Variants in ADGRL3 observed in about 807,000 individuals in gnomAD.
ADGRL3 encodes adhesion G protein-coupled receptor L3, also known as calcium-independent alpha-latrotoxin receptor 3.
Under a neutral mutation model 153.5 loss-of-function variants are expected in ADGRL3, and 62 were observed. That is an observed-to-expected ratio of 0.40 (90% confidence interval 0.33 to 0.50). ADGRL3 has a LOEUF of 0.50. Ranked by LOEUF, ADGRL3 falls within the 20% of genes least tolerant of loss-of-function variation. ADGRL3 has a pLI of 0.47. For synonymous variants in ADGRL3, 710 were observed against 672.5 expected, an observed-to-expected ratio of 1.06 and a Z score of -0.86; for missense variants, 1,641 against 1,859.4, an observed-to-expected ratio of 0.88 and a Z score of 2.16.
intron 1 of ADGRL3, among the ~76,000 whole-genome samples, chr4:61,327,204 T>A (rs2095482652): frequency 6.6e-6 from 1 of 151,980 alleles, no homozygotes; most frequent in African/African-American, 2.4e-5. Flanking sequence ...AATATAATGC[T>A]GTATGTTAAA....
At chr4:61,873,889 A>G (rs2098459450) in intron 9 of ADGRL3, among the ~76,000 whole-genome samples, 2 of 152,082 alleles carry the variant, frequency 1.3e-5, no homozygotes, top group Admixed American at 1.3e-4. Flanking sequence ...CAATGCAAAG[A>G]ACAACTCTTT....
At chr4:62,051,622 T>C (rs908874331) in intron 25 of ADGRL3, among the ~76,000 whole-genome samples, 5 of 151,894 alleles carry the variant, frequency 3.3e-5, no homozygotes, top group Non-Finnish European at 5.9e-5. Flanking sequence ...AACTAAACAA[T>C]AATAAACAGT....
chr4:61,602,302 T>A (rs1246097835), intron 5 of ADGRL3, among the ~76,000 whole-genome samples: 1 of 152,118 alleles, frequency 6.6e-6, no homozygotes, highest in East Asian at 1.9e-4. Context: ...CAGCTTGACA[T>A]CATATCCCTA....
intron 6 of ADGRL3, among the ~76,000 whole-genome samples, chr4:61,685,805 A>G (rs941072852): frequency 6.6e-6 from 1 of 152,118 alleles, no homozygotes; most frequent in African/African-American, 2.4e-5. Context: ...GAATTGAATA[A>G]ACTGACCTTC....
At chr4:61,426,787 C>G (rs548841000) in intron 2 of ADGRL3, 7 of 152,302 alleles carry the variant, frequency 4.6e-5, no homozygotes, top group African/African-American at 1.7e-4. Flanking sequence ...CATCCTGCCC[C>G]GTCTTGGGCA....
chr4:61,426,992 T>A (rs1480248777), intron 2 of ADGRL3: 1 of 152,198 alleles, frequency 6.6e-6, no homozygotes, highest in Non-Finnish European at 1.5e-5. Context: ...CCCTTTTTTA[T>A]GGCACAAAGT....
intron 8 of ADGRL3, among the ~76,000 whole-genome samples, chr4:61,748,207 G>C (rs1357409981): frequency 6.6e-6 from 1 of 152,106 alleles, no homozygotes; most frequent in East Asian, 1.9e-4. Flanking sequence ...TGAAATAAAA[G>C]AGAATACAAT....
chr4:61,797,702 C>T (rs2097431295), intron 8 of ADGRL3, among the ~76,000 whole-genome samples: 1 of 148,912 alleles, frequency 6.7e-6, no homozygotes, highest in South Asian at 2.2e-4. Flanking sequence ...CAAATAGTCA[C>T]ACTACTAGAG....
Position 61,815,298 on chromosome 4 carries a change from T to C in ADGRL3, c.1480+1409T>C, listed in dbSNP as rs532113430. Among the ~76,000 whole-genome samples, 13 of 152,336 alleles carry C rather than the reference T, an allele frequency of 8.5e-5. No individual in the cohort carries two copies. The East Asian group carries it at 2.1e-3, about 25-fold the overall frequency. ...ATACCAAGGAGTTTGTGTTTTATCC[T>C]GGATAAAAACATGAAATATTTTAAA... On this transcript the variant is annotated intron_variant, in intron 9 of 26. Transcript: ENST00000683033.
rs35146786 is a variant in ADGRL3, at chr4:61,562,944, C to CA, written c.260-24263dup. Among the ~76,000 whole-genome samples the CA allele has an allele frequency of 3.3e-3, 346 of 105,824 alleles. 3 individuals carry two copies. The highest frequency in any genetic ancestry group is 0.026 in the East Asian group (93 of 3,518). 69.4% of individuals were successfully genotyped at this position (105,824 alleles called of 152,430 possible). ...TGGATGACAGAGCAAGACCCTGTCT[C>CA]AAAAAAAAAAAAAAAAAAAAGGTGA... On this transcript the variant is annotated intron_variant, in intron 4 of 26. Coordinates refer to ENST00000683033, the MANE Select transcript of ADGRL3 (RefSeq NM_001387552.1).
At chr4:61,885,738 C>G (rs1017366754) in intron 9 of ADGRL3, among the ~76,000 whole-genome samples, 1 of 152,064 alleles carries the variant, frequency 6.6e-6, no homozygotes, top group Non-Finnish European at 1.5e-5. Flanking sequence ...TTTAATAGAC[C>G]TGGATTAGAA....
chr4:61,561,769 A>C (rs183221994), intron 4 of ADGRL3, among the ~76,000 whole-genome samples: 1 of 152,200 alleles, frequency 6.6e-6, no homozygotes, highest in Non-Finnish European at 1.5e-5. Context: ...GAATTATTAT[A>C]TCAATTCTCA....
At chr4:61,869,981 AGAGAGAGAGGG>A (rs2098433015) in intron 9 of ADGRL3, among the ~76,000 whole-genome samples, 1 of 107,288 alleles carries the variant, frequency 9.3e-6, no homozygotes, top group African/African-American at 3.2e-5. Flanking sequence ...AGAGAAAGAG[AGAGAGAGAGGG>A]AGAGAGAGAG....
intron 6 of ADGRL3, among the ~76,000 whole-genome samples, chr4:61,700,779 A>G (rs2095743392): frequency 6.6e-6 from 1 of 152,226 alleles, no homozygotes; most frequent in African/African-American, 2.4e-5. Context: ...AGTCTTAAAC[A>G]TATTAAGATT....
intron 10 of ADGRL3, among the ~76,000 whole-genome samples, chr4:61,894,369 A>G (rs966723599): frequency 1.3e-5 from 2 of 152,186 alleles, no homozygotes; most frequent in Admixed American, 1.3e-4. Context: ...TAAAAAATAC[A>G]CTTTTTTCCA....
intron 1 of ADGRL3, among the ~76,000 whole-genome samples, chr4:61,318,220 AACACAC>A (rs140779579): frequency 2.1e-5 from 3 of 145,706 alleles, no homozygotes; most frequent in African/African-American, 7.8e-5. Flanking sequence ...AAAAACACAA[AACACAC>A]ACACACACAC....
intron 5 of ADGRL3, among the ~76,000 whole-genome samples, chr4:61,667,329 T>C (rs1237933207): frequency 6.6e-6 from 1 of 152,160 alleles, no homozygotes; most frequent in Non-Finnish European, 1.5e-5. Context: ...TTTATAAATA[T>C]ACATTTATAG....
intron 2 of ADGRL3, among the ~76,000 whole-genome samples, chr4:61,471,342 A>AT (rs1458072174): frequency 6.6e-6 from 1 of 151,798 alleles, no homozygotes; most frequent in Non-Finnish European, 1.5e-5. Context: ...AAATGCATTT[A>AT]TTTTTTGATA....
intron 13 of ADGRL3, 33 bp downstream of exon 13, chr4:61,912,790 T>G: frequency 6.3e-7 from 1 of 1,597,112 alleles, no homozygotes; most frequent in South Asian, 1.1e-5. Flanking sequence ...TGTGTTAAGT[T>G]GTTGAATGTC....
Sources: allele counts gnomAD v4.1 joint callset (sites outside exome capture counted in the v4.1 genomes callset), GRCh38; gene constraint gnomAD v4.1.1; transcripts MANE v1.5; gene names NCBI Gene and HGNC (gene_info 2026-07-23, HGNC 2026-07-21).